The following DOCK6 variants were observed in gnomAD, a reference collection of about 807,000 sequenced individuals.
DOCK6 encodes the protein dedicator of cytokinesis 6.
DOCK6 carries 167 observed loss-of-function variants against 230.3 expected under a neutral mutation model. That is an observed-to-expected ratio of 0.73 (90% CI 0.64 to 0.82). The LOEUF (loss-of-function observed/expected upper bound fraction) is 0.82, where lower values mean the gene tolerates loss of function less well. Among genes scored for constraint, DOCK6 ranks in the 40% least tolerant of loss-of-function variants. The pLI, the probability that DOCK6 is intolerant of heterozygous loss-of-function variation, is 0.00. For missense variants in DOCK6, 2,598 were observed against 2,825.8 expected, an observed-to-expected ratio of 0.92 and a Z score of 1.83; for synonymous variants, 1,148 against 1,185.0, an observed-to-expected ratio of 0.97 and a Z score of 0.64.
At chr19:11,227,268 C>A in intron 24 of DOCK6, 69 bp downstream of exon 24, 2 of 1,577,918 alleles carry the variant, frequency 1.3e-6, no homozygotes, top group South Asian at 1.1e-5. Flanking sequence ...GCAGGATTGG[C>A]GCCCCCACCT....
Position 11,235,971 on chromosome 19 carries a change from C to G in DOCK6, c.2393-212G>C, listed in dbSNP as rs557817871. On this transcript the variant is annotated intron_variant, in intron 20 of 47. Coordinates refer to ENST00000294618, the MANE Select transcript of DOCK6 (RefSeq NM_020812.4). Reference sequence around the variant, plus strand: ...TCTCGGCTCACTGTCACCTCCGCCTCCCAGGTTCAAGCAATTCTCCTGCCT... The same window carrying G: ...TCTCGGCTCACTGTCACCTCCGCCTGCCAGGTTCAAGCAATTCTCCTGCCT... The G allele has an allele frequency of 6.8e-6, 4 of 592,238 alleles. No individual in the cohort carries two copies. In the South Asian group the frequency reaches 1.2e-4, roughly 18 times the overall value. The allele number at this position is 592,238 out of a possible 1,614,324, so 36.7% of individuals were successfully genotyped here.
In DOCK6 at chr19:11,202,025, A is replaced by C. The variant is rs137932140; in HGVS notation, c.5552T>G (p.Leu1851Arg). 3 of 1,614,080 alleles carry C rather than the reference A, an allele frequency of 1.9e-6. No individual in the cohort carries two copies. Among genetic ancestry groups the C allele is most frequent in the Non-Finnish European group, 2.5e-6 (3 of 1,179,914 alleles). Residue 1851 changes from leucine (L) to arginine (R), a missense_variant, in exon 44 of 48, where the codon CTG becomes CGG. Transcript: ENST00000294618. This position sits in a 1 kb window ranked among gnomAD's most constrained non-coding sequence, Gnocchi z 5.3. Reference sequence around the variant, plus strand: ...ATCCGGCGTGAACGGCGTGCAGAACAGGAATGTGCGAAGCCCATAGTTGCG... The same window carrying C: ...ATCCGGCGTGAACGGCGTGCAGAACCGGAATGTGCGAAGCCCATAGTTGCG... ...FDRNYGLRTF[L>R]FCTPFTPDGR...
chr19:11,254,613 C>T (rs147794654), intron 1 of DOCK6, among the ~76,000 whole-genome samples: 2 of 151,154 alleles, frequency 1.3e-5, no homozygotes, highest in Non-Finnish European at 2.9e-5. Context: ...ACCCGGGAGG[C>T]GCAGGTTGCA....
chr19:11,235,852 T>C (rs2079838023), intron 20 of DOCK6, 93 bp from the exon 21 acceptor site: 2 of 1,436,538 alleles, frequency 1.4e-6, no homozygotes, highest in African/African-American at 1.4e-5. Context: ...ATTTGAGGGA[T>C]CATGTGCTCA....
At position 11,222,804 on chromosome 19, in the gene DOCK6, G is replaced by A; in HGVS notation, c.3171C>T (p.Leu1057=). 6.3e-7 allele frequency: 1 copy of A among 1,590,804 alleles called. No individual in the cohort carries two copies. Among genetic ancestry groups the A allele is most frequent in the Non-Finnish European group, 8.6e-7 (1 of 1,169,000 alleles). Residue 1057 remains leucine (L), a synonymous_variant, in exon 26 of 48, where the codon CTC becomes CTT. Transcript: ENST00000294618. This position sits in a 1 kb window ranked among gnomAD's most constrained non-coding sequence, Gnocchi z 4.0. ...ILCSHEHYVT[L]NLPCCPLSPP... Reference sequence around the variant, plus strand: ...GTGACAGGGGGCAGCAGGGGAGGTTGAGGGTCACGTAGTGCTCGTGGCTGC... The same window carrying A: ...GTGACAGGGGGCAGCAGGGGAGGTTAAGGGTCACGTAGTGCTCGTGGCTGC...
rs538440072 is a variant in DOCK6, at chr19:11,234,600, C to T, written c.2554+998G>A. 4.0e-5 allele frequency among the ~76,000 whole-genome samples: 6 copies of T among 151,716 alleles called. No homozygotes were observed. In the East Asian group the frequency reaches 1.2e-3, roughly 29 times the overall value. The stretch of plus-strand genomic sequence containing the variant: ...TGTCACTTACTATTACCAGTGCCCC[C>T]ATGAGGTGGGTACTATTATTATCCC... On this transcript the variant is annotated intron_variant, in intron 21 of 47. Coordinates refer to ENST00000294618, the MANE Select transcript of DOCK6 (RefSeq NM_020812.4).
chr19:11,199,422 C>T lies in DOCK6; in HGVS notation c.*75G>A. The T allele has an allele frequency of 6.5e-7, 1 of 1,529,258 alleles. No individual in the cohort carries two copies. Among genetic ancestry groups the T allele is most frequent in the South Asian group, 1.2e-5 (1 of 83,592 alleles). The allele number at this position is 1,529,258 out of a possible 1,614,324, so 94.7% of individuals were successfully genotyped here. A position where few individuals can be genotyped will look rare whatever the true frequency, so the allele number is the denominator to read the frequency against. On this transcript the variant is annotated 3_prime_UTR_variant, in exon 48 of 48. Transcript: ENST00000294618. ...CCCCACAGCCCAGTGGGCACCAGGG[C>T]AGACTCCCCTCGCAGCACAGACAGC...
chr19:11,252,368 A>C, intron 4 of DOCK6, 114 bp downstream of exon 4: 6 of 1,580,836 alleles, frequency 3.8e-6, no homozygotes, highest in Non-Finnish European at 5.2e-6. Flanking sequence ...CCACCAGACA[A>C]GTTTGCCTGC....
At chr19:11,251,974 C>G in intron 5 of DOCK6, 145 bp downstream of exon 5, 1 of 1,187,184 alleles carries the variant, frequency 8.4e-7, no homozygotes, top group South Asian at 1.3e-5. Context: ...ATAATTATGA[C>G]CCCTAACTTT....
At position 11,208,993 on chromosome 19, in the gene DOCK6, A is replaced by G. The variant is rs201738818; in HGVS notation, c.4862T>C (p.Val1621Ala). Reference protein sequence around the residue: ...GNHAEAAQCMVHAAALVAEYL... With the variant: ...GNHAEAAQCMAHAAALVAEYL... ...CTCAGCCACGAGGGCGGCCGCGTGC[A>G]CCATGCACTGGGCGGCCTCGGCGTG... Residue 1621 changes from valine (V) to alanine (A), a missense_variant, in exon 38 of 48, where the codon GTG becomes GCG. Physicochemically the swap from Val to Ala is moderately conservative, Grantham distance 64 (BLOSUM62 0). Transcript: ENST00000294618. 4,314 of 1,611,170 alleles carry G rather than the reference A, an allele frequency of 2.7e-3. 19 individuals are homozygous for G. Among genetic ancestry groups the G allele is most frequent in the South Asian group, 4.2e-3 (381 of 90,866 alleles).
At chr19:11,240,385 A>G in intron 14 of DOCK6, 1 of 1,341,604 alleles carries the variant, frequency 7.5e-7, no homozygotes. Flanking sequence ...GACCTCCCAG[A>G]TCAGCCTCCC....
chr19:11,246,207 C>T (rs1481524755), intron 7 of DOCK6, among the ~76,000 whole-genome samples: 4 of 151,894 alleles, frequency 2.6e-5, no homozygotes, highest in Non-Finnish European at 4.4e-5. Flanking sequence ...GCTGGGACTA[C>T]AGGCACGTGC....
In DOCK6 at chr19:11,204,254, C is replaced by G; in HGVS notation, c.5166G>C (p.Lys1722Asn). 1.3e-6 allele frequency: 2 copies of G among 1,599,254 alleles called. No homozygotes were observed. The highest frequency in any genetic ancestry group is 1.7e-6 in the Non-Finnish European group (2 of 1,172,030). ...GCAGTTTGCCGTGCACCGCGGCCAG[C>G]TTCTTGTAGTCACGGTGGGCTTCCA... ...PILEAHRDYK[K>N]LAAVHGKLQE... is the part of the protein sequence containing the mutation. The change falls in exon 40 of 48, where the codon AAG becomes AAC. Residue 1722 changes from lysine to asparagine, a missense_variant. By Grantham distance (94) the Lys-to-Asn change is moderately conservative. Transcript: ENST00000294618.
rs746864656 is a variant in DOCK6, at chr19:11,202,519, ACAGCCCCTACTCCAGCCCCAAGG to A, written c.5361+42_5362-37del. 27 of 1,613,378 alleles carry A rather than the reference ACAGCCCCTACTCCAGCCCCAAGG, an allele frequency of 1.7e-5. No homozygotes were observed. Among genetic ancestry groups the A allele is most frequent in the Non-Finnish European group, 2.3e-5 (27 of 1,179,670 alleles). The stretch of plus-strand genomic sequence containing the variant: ...AGGGCTGACTCGGGGCCACCCAGGG[ACAGCCCCTACTCCAGCCCCAAGG>A]CAGCCCCATGCCCCGTTCCACCCCC... On this transcript the variant is annotated intron_variant, in intron 42 of 47. Transcript: ENST00000294618. The surrounding 1 kb of genome is among the most constrained non-coding windows in gnomAD (Gnocchi z 5.3).
rs565046728 is a variant in DOCK6, at chr19:11,237,227, GCAGT to G, written c.2073+225_2073+228del. The G allele has an allele frequency of 2.2e-4, 132 of 608,944 alleles. 1 individual carries two copies. The highest frequency in any genetic ancestry group is 2.0e-3 in the South Asian group (101 of 51,324). The allele number at this position is 608,944 out of a possible 1,614,324, so 37.7% of individuals were successfully genotyped here. ...AGGGCAGGGGACAGTGATCAGGAAG[GCAGT>G]CAGGGTGGCTAAAGTGGGAATGGAG... On this transcript the variant is annotated intron_variant, in intron 18 of 47. Transcript: ENST00000294618.
intron 28 of DOCK6, chr19:11,221,586 T>G: frequency 2.0e-6 from 1 of 495,188 alleles, no homozygotes; most frequent in East Asian, 3.3e-5. Flanking sequence ...TATTGTAGGC[T>G]GACAATATCT....
Position 11,235,774 on chromosome 19 carries a change from A to G in DOCK6, c.2393-15T>C. The G allele has an allele frequency of 6.3e-7, 1 of 1,576,322 alleles. No individual in the cohort carries two copies. The highest frequency in any genetic ancestry group is 1.2e-5 in the South Asian group (1 of 86,218). On this transcript the variant is annotated splice_polypyrimidine_tract_variant and intron_variant, in intron 20 of 47. Transcript: ENST00000294618. ...GCCCAGGTTCACTGCAGGGCAGAGC[A>G]GAGGTCAAGTTCCAGGGCCCAAGGC... is the stretch of plus-strand genomic sequence containing the variant.
rs117562283 is a variant in DOCK6 at position 11,204,282 on chromosome 19, A to T, written c.5138T>A (p.Ile1713Asn). 7.8e-5 allele frequency: 126 copies of T among 1,607,088 alleles called. No individual in the cohort carries two copies. The highest frequency in any genetic ancestry group is 1.0e-4 in the Non-Finnish European group (118 of 1,176,834). The change falls in exon 40 of 48, where the codon ATC becomes AAC. Residue 1713 changes from isoleucine (I) to asparagine (N), a missense_variant. Transcript: ENST00000294618. Reference protein sequence around the residue: ...VNEVYKNLIPILEAHRDYKKL... With the variant: ...VNEVYKNLIPNLEAHRDYKKL... ...CTTGTAGTCACGGTGGGCTTCCAGG[A>T]TGGGGATGAGGTTCTTGTAGACCTC... is the stretch of plus-strand genomic sequence containing the variant.
chr19:11,224,214 C>CTTTCTTTCTTTCTTTCTTTCTTTCTTTCT lies in DOCK6; in HGVS notation c.2956-1109_2956-1108insAGAAAGAAAGAAAGAAAGAAAGAAAGAAA, dbSNP rs768175902. On this transcript the variant is annotated intron_variant, in intron 24 of 47. Coordinates refer to ENST00000294618, the MANE Select transcript of DOCK6 (RefSeq NM_020812.4). Reference sequence around the variant, plus strand: ...CTTTTCTTTCTTTCTTTCTTTCTTTCTTTTTTTTTTTTTTGAGACGGAGTC... The same window carrying CTTTCTTTCTTTCTTTCTTTCTTTCTTTCT: ...CTTTTCTTTCTTTCTTTCTTTCTTTCTTTCTTTCTTTCTTTCTTTCTTTCTTTCTTTTTTTTTTTTTTTGAGACGGAGTC... Among the ~76,000 whole-genome samples, 4 of 142,160 alleles carry CTTTCTTTCTTTCTTTCTTTCTTTCTTTCT rather than the reference C, an allele frequency of 2.8e-5. No homozygotes were observed. In the East Asian group the frequency reaches 6.3e-4, roughly 22 times the overall value. The allele number at this position is 142,160 out of a possible 152,430, so 93.3% of individuals were successfully genotyped here.
Sources: allele counts gnomAD v4.1 joint callset (sites outside exome capture counted in the v4.1 genomes callset), GRCh38; gene constraint gnomAD v4.1.1; non-coding constraint Gnocchi (gnomAD v3.1); transcripts MANE v1.5; gene names NCBI Gene and HGNC (gene_info 2026-07-23, HGNC 2026-07-21).